The following LMNTD1 variants were observed in gnomAD, a reference collection of about 807,000 sequenced individuals.
LMNTD1 encodes lamin tail domain containing 1, also known as lamin tail domain-containing protein 1.
A neutral mutation model predicts 50.9 loss-of-function variants in LMNTD1; 35 were observed. The observed-to-expected ratio is 0.69, with a 90% CI of 0.53 to 0.91. LMNTD1 has a LOEUF of 0.91. Among genes scored for constraint, LMNTD1 ranks in the 40% least tolerant of loss-of-function variants. The pLI is 0.00. For synonymous variants in LMNTD1, 153 were observed against 161.9 expected, an observed-to-expected ratio of 0.94 and a Z score of 0.42; for missense variants, 470 against 475.5, an observed-to-expected ratio of 0.99 and a Z score of 0.11.
In LMNTD1 at chr12:25,497,108, C is replaced by T. The variant is rs920575813; in HGVS notation, c.*22+6630G>A. On this transcript the variant is annotated intron_variant, in intron 9 of 9. Transcript: ENST00000458174. ...GATTTTAAAAAACCCATTCATCTGT[C>T]GATGAACACGTGTTGTTTCTATTTT... Among the ~76,000 whole-genome samples, 7 of 152,100 alleles carry T rather than the reference C, an allele frequency of 4.6e-5. 1 individual carries two copies. In the South Asian group the frequency reaches 8.3e-4, roughly 18 times the overall value.
Position 25,546,489 on chromosome 12 carries a change from A to G in LMNTD1, c.376T>C (p.Tyr126His), listed in dbSNP as rs1943441699. 1.9e-6 allele frequency: 3 copies of G among 1,598,134 alleles called. No homozygotes were observed. Among genetic ancestry groups the G allele is most frequent in the Non-Finnish European group, 2.6e-6 (3 of 1,170,722 alleles). Reference protein sequence around the residue: ...ESPMIGDGEDYFLSLFGDSKK... With the variant: ...ESPMIGDGEDHFLSLFGDSKK... ...GAATCACCAAACAAAGAAAGGAAAT[A>G]ATCTTCTCCATCCCCAATCATGGGT... is the stretch of plus-strand genomic sequence containing the variant. Residue 126 changes from tyrosine to histidine, a missense_variant, in exon 4 of 10, where the codon TAT becomes CAT. Transcript: ENST00000458174.
At chr12:25,590,217 G>A (rs1173171424) in intron 1 of LMNTD1, among the ~76,000 whole-genome samples, 1 of 152,186 alleles carries the variant, frequency 6.6e-6, no homozygotes, top group East Asian at 1.9e-4. Flanking sequence ...CAGCAGCAGT[G>A]TGGTGAGGAG....
chr12:25,520,805 C>G (rs767523689), intron 6 of LMNTD1, among the ~76,000 whole-genome samples: 5 of 152,164 alleles, frequency 3.3e-5, no homozygotes, highest in Non-Finnish European at 7.4e-5. Flanking sequence ...CTGCACCAAT[C>G]TACATTCCTG....
intron 4 of LMNTD1, among the ~76,000 whole-genome samples, chr12:25,543,615 T>TGAAA (rs1943240629): frequency 6.6e-6 from 1 of 151,870 alleles, no homozygotes; most frequent in African/African-American, 2.4e-5. Flanking sequence ...GTTTCTTTTC[T>TGAAA]TCTACTAATT....
At chr12:25,509,377 G>A (rs1390164504) in intron 8 of LMNTD1, among the ~76,000 whole-genome samples, 1 of 152,090 alleles carries the variant, frequency 6.6e-6, no homozygotes, top group Non-Finnish European at 1.5e-5. Flanking sequence ...CAAAGTGCTG[G>A]GATTACTGGC....
chr12:25,499,406 AT>A (rs930111099), intron 9 of LMNTD1, among the ~76,000 whole-genome samples: 3 of 151,036 alleles, frequency 2.0e-5, no homozygotes, highest in African/African-American at 4.9e-5. Flanking sequence ...AGGATTATTC[AT>A]TTTTTTTTCC....
At chr12:25,516,792 T>G (rs2136015932) in intron 8 of LMNTD1, among the ~76,000 whole-genome samples, 1 of 151,434 alleles carries the variant, frequency 6.6e-6, no homozygotes, top group Non-Finnish European at 1.5e-5. Context: ...GGGAGAAAAT[T>G]TTTGCAACCT....
chr12:25,546,298 T>C (rs1419407195), intron 4 of LMNTD1, 76 bp downstream of exon 4: 1 of 855,928 alleles, frequency 1.2e-6, no homozygotes, highest in Non-Finnish European at 1.7e-6. Flanking sequence ...TAACTACAGA[T>C]TAGAACTTTG....
intron 9 of LMNTD1, among the ~76,000 whole-genome samples, chr12:25,479,246 T>TA (rs1938366460): frequency 6.6e-6 from 1 of 152,022 alleles, no homozygotes; most frequent in African/African-American, 2.4e-5. Context: ...CTTCTGGAAC[T>TA]AAGACCTCTA....
At position 25,518,825 on chromosome 12, in the gene LMNTD1, T is replaced by A. The variant is rs1479500; in HGVS notation, c.1159A>T (p.Thr387Ser). 0.81 allele frequency: 1,306,012 copies of A among 1,613,648 alleles called. 532,421 individuals carry two copies. Among genetic ancestry groups the A allele is most frequent in the East Asian group, 0.9 (40,313 of 44,848 alleles). The change falls in exon 8 of 10, where the codon ACT (threonine) becomes TCT (serine). Residue 387 changes from threonine (T) to serine (S), a missense_variant. Transcript: ENST00000458174. Reference sequence around the variant, plus strand: ...GCTCGATTAGGTCTGGTTGACCGAGTCCTGGGCTGTCTATCCAATCTGCCT... The same window carrying A: ...GCTCGATTAGGTCTGGTTGACCGAGACCTGGGCTGTCTATCCAATCTGCCT... The part of the protein sequence containing the change: ...AGGRLDRQPR[T>S]RSTRPNRASG...
rs75448980 is a variant in LMNTD1, at chr12:25,519,766, C to T, written c.1016+92G>A. On this transcript the variant is annotated intron_variant, in intron 7 of 9. Transcript: ENST00000458174. ...ATCACTATTGATTTAATTTATACAT[C>T]ACACATCCATTTGTCATCTAGTCGT... is the stretch of plus-strand genomic sequence containing the variant. The T allele has an allele frequency of 4.7e-3, 3,773 of 800,392 alleles. 103 individuals are homozygous for T. In the African/African-American group the frequency reaches 0.058, roughly 12 times the overall value. The allele number at this position is 800,392 out of a possible 1,614,324, so 49.6% of individuals were successfully genotyped here. A position where few individuals can be genotyped will look rare whatever the true frequency, so the allele number is the denominator to read the frequency against.
At chr12:25,477,545 T>C (rs372513475) in intron 9 of LMNTD1, among the ~76,000 whole-genome samples, 38 of 151,894 alleles carry the variant, frequency 2.5e-4, no homozygotes, top group African/African-American at 4.1e-4. Flanking sequence ...AGGGATGAGA[T>C]TAAAGTCAGG....
At chr12:25,566,745 A>G (rs1006450494) in intron 1 of LMNTD1, among the ~76,000 whole-genome samples, 9 of 152,324 alleles carry the variant, frequency 5.9e-5, no homozygotes, top group South Asian at 2.1e-4. Context: ...AGGGTTGCTC[A>G]CTGTTGATGA....
intron 1 of LMNTD1, among the ~76,000 whole-genome samples, chr12:25,586,539 G>A (rs1945529243): frequency 6.6e-6 from 1 of 152,158 alleles, no homozygotes; most frequent in South Asian, 2.1e-4. Flanking sequence ...GTGTGACCAT[G>A]TGACTAAGTG....
upstream of LMNTD1, among the ~76,000 whole-genome samples, chr12:25,558,155 T>C (rs1944118563): frequency 6.6e-6 from 1 of 152,218 alleles, no homozygotes; most frequent in African/African-American, 2.4e-5. Flanking sequence ...CTGACTTTAT[T>C]TATTTGGATC....
chr12:25,482,950 A>G (rs1034019949), intron 9 of LMNTD1, among the ~76,000 whole-genome samples: 5 of 151,990 alleles, frequency 3.3e-5, no homozygotes, highest in Admixed American at 6.5e-5. Flanking sequence ...TTGGTAAAGT[A>G]TCTTTAAGAT....
At chr12:25,521,534 C>A (rs1941325490) in intron 6 of LMNTD1, among the ~76,000 whole-genome samples, 1 of 152,120 alleles carries the variant, frequency 6.6e-6, no homozygotes, top group Admixed American at 6.5e-5. Context: ...CTGAAAATTA[C>A]AAGCAGCATA....
chr12:25,644,316 A>C (rs915950417), intron 1 of LMNTD1, among the ~76,000 whole-genome samples: 2 of 149,438 alleles, frequency 1.3e-5, no homozygotes, highest in Admixed American at 6.6e-5. Context: ...TTCTCTACAA[A>C]AAAAAAAAAA....
chr12:25,639,552 C>T (rs978326629), intron 1 of LMNTD1, among the ~76,000 whole-genome samples: 10 of 152,044 alleles, frequency 6.6e-5, no homozygotes, highest in African/African-American at 2.2e-4. Flanking sequence ...AACAAGCACA[C>T]GAAAAGATCA....
Sources: allele counts gnomAD v4.1 joint callset (sites outside exome capture counted in the v4.1 genomes callset), GRCh38; gene constraint gnomAD v4.1.1; transcripts MANE v1.5; gene names NCBI Gene and HGNC (gene_info 2026-07-23, HGNC 2026-07-21).